The following PXDNL variants were observed in gnomAD, a reference collection of about 807,000 sequenced individuals.
PXDNL encodes probable oxidoreductase PXDNL.
Under a neutral mutation model 150.8 loss-of-function variants are expected in PXDNL, and 145 were observed. That is an observed-to-expected ratio of 0.96 (90% confidence interval 0.84 to 1.10). The LOEUF (loss-of-function observed/expected upper bound fraction) is 1.10, where lower values mean the gene tolerates loss of function less well. Among genes scored for constraint, PXDNL ranks in the 50% least tolerant of loss-of-function variants. PXDNL has a pLI of 0.00. For missense variants in PXDNL, 2,087 were observed against 1,873.9 expected, an observed-to-expected ratio of 1.11 and a Z score of -2.10; for synonymous variants, 757 against 725.7, an observed-to-expected ratio of 1.04 and a Z score of -0.69.
intron 1 of PXDNL, among the ~76,000 whole-genome samples, chr8:51,720,498 T>G (rs543837054): frequency 7.2e-5 from 11 of 152,224 alleles, no homozygotes; most frequent in Non-Finnish European, 1.0e-4. Context: ...ATAAGTATGT[T>G]CTTTTTTGAG....
At chr8:51,355,619 T>C (rs946252645) in intron 19 of PXDNL, among the ~76,000 whole-genome samples, 1 of 152,238 alleles carries the variant, frequency 6.6e-6, no homozygotes, top group Admixed American at 6.5e-5. Flanking sequence ...TCATTTTCTG[T>C]TCTATATTGA....
chr8:51,710,392 A>G (rs1446954780), intron 1 of PXDNL, among the ~76,000 whole-genome samples: 2 of 152,348 alleles, frequency 1.3e-5, no homozygotes, highest in Middle Eastern at 3.4e-3. Context: ...TGGAATAGCT[A>G]TATCAGGCTA....
intron 19 of PXDNL, among the ~76,000 whole-genome samples, chr8:51,359,795 A>G (rs1473796215): frequency 2.6e-5 from 4 of 152,156 alleles, no homozygotes; most frequent in Non-Finnish European, 5.9e-5. Context: ...AGCAGGGGAA[A>G]AAAAATCCAG....
At chr8:51,731,514 TG>T (rs1459759253) in intron 1 of PXDNL, among the ~76,000 whole-genome samples, 1 of 152,220 alleles carries the variant, frequency 6.6e-6, no homozygotes, top group African/African-American at 2.4e-5. Context: ...AAGCTATCCG[TG>T]GAACTACCAT....
At chr8:51,485,497 C>T (rs554511300) in intron 5 of PXDNL, among the ~76,000 whole-genome samples, 2 of 152,312 alleles carry the variant, frequency 1.3e-5, no homozygotes, top group Admixed American at 1.3e-4. Flanking sequence ...CTAAGTTTAA[C>T]CAGTACCTCC....
intron 20 of PXDNL, among the ~76,000 whole-genome samples, chr8:51,344,160 A>G (rs1229248419): frequency 6.6e-6 from 1 of 152,100 alleles, no homozygotes; most frequent in African/African-American, 2.4e-5. Flanking sequence ...GGTGGAGTAT[A>G]GTGCCGTGAT....
intron 4 of PXDNL, among the ~76,000 whole-genome samples, chr8:51,513,734 CT>C (rs944063036): frequency 2.6e-5 from 4 of 152,322 alleles, no homozygotes; most frequent in African/African-American, 9.6e-5. Context: ...CTCAAATTCA[CT>C]TTTGTAAATG....
intron 1 of PXDNL, among the ~76,000 whole-genome samples, chr8:51,665,079 G>A (rs1420861694): frequency 3.9e-5 from 6 of 152,170 alleles, no homozygotes; most frequent in African/African-American, 1.4e-4. Context: ...GCCTCTTGCT[G>A]CCAATGCCAG....
intron 6 of PXDNL, among the ~76,000 whole-genome samples, chr8:51,480,768 G>A (rs1810584791): frequency 6.6e-6 from 1 of 152,160 alleles, no homozygotes. Flanking sequence ...TTATAAATGG[G>A]AGTTCCCCTG....
intron 1 of PXDNL, among the ~76,000 whole-genome samples, chr8:51,743,957 A>AGAAAG (rs2036936471): frequency 8.0e-5 from 1 of 12,472 alleles, no homozygotes; most frequent in African/African-American, 1.1e-4. Flanking sequence ...AGAGAGAAAG[A>AGAAAG]AAAAAGAGAG....
chr8:51,513,328 A>T (rs1166600828), intron 4 of PXDNL, among the ~76,000 whole-genome samples: 1 of 152,200 alleles, frequency 6.6e-6, no homozygotes, highest in African/African-American at 2.4e-5. Flanking sequence ...GTCAGCACTG[A>T]CATGCCCTGC....
At chr8:51,760,845 C>CTTTTTTTTTTTT (rs71237237) in intron 1 of PXDNL, among the ~76,000 whole-genome samples, 781 of 45,456 alleles carry the variant, frequency 0.017, 273 homozygotes, top group Non-Finnish European at 0.022. Flanking sequence ...ATCACTTAAA[C>CTTTTTTTTTTTT]TTTTTTTTTT....
At chr8:51,407,960 G>T in intron 17 of PXDNL, 107 bp downstream of exon 17, 1 of 880,750 alleles carries the variant, frequency 1.1e-6, no homozygotes, top group Non-Finnish European at 1.7e-6. Flanking sequence ...AGTACTAAAA[G>T]CTCTGCAGCA....
chr8:51,331,814 C>T (rs1805697593), intron 21 of PXDNL, among the ~76,000 whole-genome samples: 1 of 152,140 alleles, frequency 6.6e-6, no homozygotes, highest in Non-Finnish European at 1.5e-5. Context: ...TCATCCCCAT[C>T]CCCCACAGCA....
At chr8:51,396,435 G>A (rs1808084289) in intron 17 of PXDNL, among the ~76,000 whole-genome samples, 1 of 152,212 alleles carries the variant, frequency 6.6e-6, no homozygotes, top group Non-Finnish European at 1.5e-5. Context: ...GAGAATGCCT[G>A]GCTGCACAGA....
chr8:51,461,316 A>G lies in PXDNL; in HGVS notation c.813-3649T>C, dbSNP rs544985278. Reference sequence around the variant, plus strand: ...TGTGCTTCCCCGCCACAGGGCTAGTATGGGAAGGGTGTGACCTTTCTGCTA... The same window carrying G: ...TGTGCTTCCCCGCCACAGGGCTAGTGTGGGAAGGGTGTGACCTTTCTGCTA... On this transcript the variant is annotated intron_variant, in intron 8 of 22. Coordinates refer to ENST00000356297, the MANE Select transcript of PXDNL (RefSeq NM_144651.5). Among the ~76,000 whole-genome samples the G allele has an allele frequency of 2.6e-5, 4 of 152,324 alleles. No homozygotes were observed. The South Asian group carries it at 8.3e-4, about 32-fold the overall frequency.
At chr8:51,436,329 C>A in intron 12 of PXDNL, 1 of 459,056 alleles carries the variant, frequency 2.2e-6, no homozygotes, top group South Asian at 1.6e-5. Flanking sequence ...ATCTCATAAA[C>A]ATTATTCAGG....
Position 51,457,381 on chromosome 8 carries a change from A to T in PXDNL, c.982+117T>A, listed in dbSNP as rs999148256. On this transcript the variant is annotated intron_variant, in intron 9 of 22. Transcript: ENST00000356297. ...TTCAAGTTTCTCTAAAACAAAATTT[A>T]AAAAATCACAGTCAATGGGAATAGT... The T allele has an allele frequency of 2.1e-5, 18 of 847,218 alleles. 1 individual carries two copies. Among genetic ancestry groups the T allele is most frequent in the African/African-American group, 3.5e-5 (2 of 57,174 alleles). 52.5% of individuals were successfully genotyped at this position (847,218 alleles called of 1,614,324 possible).
At position 51,401,711 on chromosome 8, in the gene PXDNL, G is replaced by C. The variant is rs552963960; in HGVS notation, c.3557+6356C>G. On this transcript the variant is annotated intron_variant, in intron 17 of 22. Transcript: ENST00000356297. ...AGGAATAGGGGGCACCCAGGAATCT[G>C]TGAGTCTTCTGAAAATACACACAGA... Among the ~76,000 whole-genome samples, 4 of 152,304 alleles carry C rather than the reference G, an allele frequency of 2.6e-5. No individual in the cohort carries two copies. In the South Asian group the frequency reaches 8.3e-4, roughly 32 times the overall value.
Sources: allele counts gnomAD v4.1 joint callset (sites outside exome capture counted in the v4.1 genomes callset), GRCh38; gene constraint gnomAD v4.1.1; transcripts MANE v1.5; gene names NCBI Gene and HGNC (gene_info 2026-07-23, HGNC 2026-07-21).